ZNF736: variants seen among roughly 807,000 people sequenced by gnomAD.
ZNF736 encodes KRAB-containing zinc-finger repressor protein.
In ZNF736, 6 loss-of-function variants were observed where a neutral mutation model predicts 11.7. The ratio of observed to expected loss-of-function variants is 0.51; its 90% CI spans 0.28 to 1.01. The LOEUF is 1.01. Among genes scored for constraint, ZNF736 ranks in the 50% least tolerant of loss-of-function variants. ZNF736 has a pLI of 0.09. For missense variants in ZNF736, 444 were observed against 496.0 expected (o/e 0.90, Z 1.00); for synonymous variants, 139 against 164.7 (o/e 0.84, Z 1.19).
intron 1 of ZNF736, among the ~76,000 whole-genome samples, chr7:64,331,588 T>C (rs1398185963): frequency 4.6e-5 from 7 of 152,232 alleles, no homozygotes; most frequent in African/African-American, 1.7e-4. Flanking sequence ...TTTGGTGTTT[T>C]ATCTGGGGGA....
In ZNF736 at chr7:64,354,621, C is replaced by A. The variant is rs1009753267; in HGVS notation, c.*5474C>A. 5.3e-5 allele frequency: 8 copies of A among 152,112 alleles called. No individual in the cohort carries two copies. The highest frequency in any genetic ancestry group is 4.1e-4 in the South Asian group (2 of 4,828). 9.4% of individuals were successfully genotyped at this position (152,112 alleles called of 1,614,324 possible). On this transcript the variant is annotated 3_prime_UTR_variant, in exon 4 of 4. Coordinates refer to ENST00000423484, the MANE Select transcript of ZNF736 (RefSeq NM_001170905.3). ...CATAATTTTCTTTTCATAAAACATT[C>A]TTTGTATAATCACCTCAGAGATTAT...
intron 1 of ZNF736, among the ~76,000 whole-genome samples, chr7:64,314,796 G>A (rs1190365803): frequency 1.3e-5 from 2 of 152,108 alleles, no homozygotes; most frequent in African/African-American, 4.8e-5. Flanking sequence ...AACTCCCCGA[G>A]CTCAGGTCTC....
chr7:64,332,072 C>G (rs770931603), intron 1 of ZNF736, among the ~76,000 whole-genome samples: 1 of 152,016 alleles, frequency 6.6e-6, no homozygotes, highest in Non-Finnish European at 1.5e-5. Flanking sequence ...TGCAGATAAT[C>G]ACACCTGGGA....
In ZNF736 at chr7:64,356,341, C is replaced by T. The variant is rs1003690631; in HGVS notation, c.*7194C>T. 1.1e-4 allele frequency: 16 copies of T among 152,260 alleles called. No homozygotes were observed. The highest frequency in any genetic ancestry group is 9.6e-4 in the East Asian group (5 of 5,182). 9.4% of individuals were successfully genotyped at this position (152,260 alleles called of 1,614,324 possible). ...CTTAAATTTTTGGCAAGTATAAAAG[C>T]ACATTCAGAATGTCACTTTCATAGA... On this transcript the variant is annotated 3_prime_UTR_variant, in exon 4 of 4. Coordinates refer to ENST00000423484, the MANE Select transcript of ZNF736 (RefSeq NM_001170905.3).
Position 64,349,240 on chromosome 7 carries a change from A to G in ZNF736, c.*93A>G. ...TGCAGTATAAATGTAATGACAGTGG[A>G]AGAACATTTATCATCTTAGAGGGTC... On this transcript the variant is annotated 3_prime_UTR_variant, in exon 4 of 4. Transcript: ENST00000423484. 7.1e-6 allele frequency: 8 copies of G among 1,134,214 alleles called. No individual in the cohort carries two copies. Among genetic ancestry groups the G allele is most frequent in the Non-Finnish European group, 8.5e-6 (7 of 825,942 alleles). The allele number at this position is 1,134,214 out of a possible 1,614,324, so 70.3% of individuals were successfully genotyped here. A position where few individuals can be genotyped will look rare whatever the true frequency, so the allele number is the denominator to read the frequency against.
intron 1 of ZNF736, among the ~76,000 whole-genome samples, chr7:64,332,004 G>A (rs1789175926): frequency 6.6e-6 from 1 of 152,148 alleles, no homozygotes; most frequent in South Asian, 2.1e-4. Flanking sequence ...GGTGGTTTCA[G>A]GGGAGGGAGT....
At chr7:64,338,830 T>C (rs1397405355) in intron 3 of ZNF736, among the ~76,000 whole-genome samples, 1 of 152,006 alleles carries the variant, frequency 6.6e-6, no homozygotes, top group East Asian at 1.9e-4. Context: ...TTTGAGATAG[T>C]AAATTTATTG....
At chr7:64,343,246 G>T (rs1216390299) in intron 3 of ZNF736, among the ~76,000 whole-genome samples, 1 of 152,084 alleles carries the variant, frequency 6.6e-6, no homozygotes, top group Non-Finnish European at 1.5e-5. Context: ...AAAAAATTGT[G>T]TTCTTTGTAG....
rs1554304625 is a variant in ZNF736, at chr7:64,337,761, T to TTG, written c.226+780_226+781insGT. On this transcript the variant is annotated intron_variant, in intron 3 of 3. Transcript: ENST00000423484. ...GTTTTGTTTTGTTTTTTTTGGTTTT[T>TTG]TTTTTTTTTTGAGACAGAGTTTTGC... Among the ~76,000 whole-genome samples, 132 of 134,472 alleles carry TTG rather than the reference T, an allele frequency of 9.8e-4. 1 individual carries two copies. Among genetic ancestry groups the TTG allele is most frequent in the Non-Finnish European group, 1.4e-3 (90 of 62,172 alleles). The allele number at this position is 134,472 out of a possible 152,430, so 88.2% of individuals were successfully genotyped here. A position where few individuals can be genotyped will look rare whatever the true frequency, so the allele number is the denominator to read the frequency against.
At chr7:64,331,029 A>G (rs1789158794) in intron 1 of ZNF736, among the ~76,000 whole-genome samples, 1 of 152,176 alleles carries the variant, frequency 6.6e-6, no homozygotes, top group South Asian at 2.1e-4. Context: ...GGTAAGGGTA[A>G]TAATGCAGGC....
intron 3 of ZNF736, among the ~76,000 whole-genome samples, chr7:64,340,066 G>T (rs1304792117): frequency 6.6e-6 from 1 of 152,142 alleles, no homozygotes; most frequent in African/African-American, 2.4e-5. Context: ...CTTGGCAGAC[G>T]GAATTGCCTT....
At chr7:64,319,333 G>GTATATATA (rs71060585) in intron 1 of ZNF736, among the ~76,000 whole-genome samples, 47 of 71,634 alleles carry the variant, frequency 6.6e-4, no homozygotes, top group Non-Finnish European at 1.0e-3. Flanking sequence ...GTGTGTATGT[G>GTATATATA]TATATATATA....
At chr7:64,323,647 C>A (rs567536413) in intron 1 of ZNF736, among the ~76,000 whole-genome samples, 100 of 152,234 alleles carry the variant, frequency 6.6e-4, no homozygotes, top group Non-Finnish European at 1.1e-3. Context: ...AACAGAAACC[C>A]AAACGCTGCA....
chr7:64,333,862 C>A lies in ZNF736; in HGVS notation c.4-2397C>A, dbSNP rs138668413. The stretch of plus-strand genomic sequence containing the variant: ...ACAGTCCTAAGCAAAAAGAGCAAAG[C>A]TGGAGGCATCACGCTACCTGACTTG... On this transcript the variant is annotated intron_variant, in intron 1 of 3. Coordinates refer to ENST00000423484, the MANE Select transcript of ZNF736 (RefSeq NM_001170905.3). Among the ~76,000 whole-genome samples, 1,139 of 152,272 alleles carry A rather than the reference C, an allele frequency of 7.5e-3. 12 individuals carry two copies. The highest frequency in any genetic ancestry group is 0.031 in the Middle Eastern group (9 of 294).
At chr7:64,320,053 A>T (rs1040861325) in intron 1 of ZNF736, among the ~76,000 whole-genome samples, 8 of 152,222 alleles carry the variant, frequency 5.3e-5, no homozygotes, top group African/African-American at 1.9e-4. Context: ...TCTAAATATA[A>T]ACTGAAATTT....
intron 3 of ZNF736, among the ~76,000 whole-genome samples, chr7:64,337,755 G>GTTTTTTTTTTTTTTTTTTTTTTTTTT (rs147991832): frequency 5.8e-5 from 5 of 86,236 alleles, no homozygotes; most frequent in Non-Finnish European, 8.2e-5. Flanking sequence ...TGTTTTTTTT[G>GTTTTTTTTTTTTTTTTTTTTTTTTTT]GTTTTTTTTT....
chr7:64,315,015 C>T (rs116138073), intron 1 of ZNF736, among the ~76,000 whole-genome samples: 262 of 152,280 alleles, frequency 1.7e-3, no homozygotes, highest in African/African-American at 5.8e-3. Context: ...AGCACCATTC[C>T]TCTTGGTATT....
intron 1 of ZNF736, among the ~76,000 whole-genome samples, chr7:64,318,860 G>C (rs1788954476): frequency 6.6e-6 from 1 of 152,108 alleles, no homozygotes; most frequent in South Asian, 2.1e-4. Context: ...TAGAGCTTCA[G>C]ACCTGAAAAG....
intron 1 of ZNF736, among the ~76,000 whole-genome samples, chr7:64,317,569 A>C (rs1433572657): frequency 6.6e-6 from 1 of 152,170 alleles, no homozygotes; most frequent in East Asian, 1.9e-4. Context: ...TGGCACAGGT[A>C]CTGGCCAAGA....
Sources: allele counts gnomAD v4.1 joint callset (sites outside exome capture counted in the v4.1 genomes callset), GRCh38; gene constraint gnomAD v4.1.1; transcripts MANE v1.5; gene names NCBI Gene and HGNC (gene_info 2026-07-23, HGNC 2026-07-21).